Variants in SETD2 observed in about 807,000 individuals in gnomAD.
SETD2 encodes the protein histone-lysine N-methyltransferase SETD2.
SETD2 carries 31 observed loss-of-function variants against 242.1 expected under a neutral mutation model. The ratio of observed to expected loss-of-function variants is 0.13; its 90% CI spans 0.10 to 0.17. The LOEUF is 0.17. Among genes scored for constraint, SETD2 ranks in the 10% least tolerant of loss-of-function variants. The probability of loss-of-function intolerance (pLI) is 1.00; values close to 1 mark genes in which losing one functional copy is unlikely to be tolerated. For missense variants in SETD2, 2,481 were observed against 3,046.3 expected, an observed-to-expected ratio of 0.81 and a Z score of 4.37; for synonymous variants, 1,006 against 1,066.5, an observed-to-expected ratio of 0.94 and a Z score of 1.11.
At chr3:47,029,483 CA>C (rs56191823) in intron 18 of SETD2, among the ~76,000 whole-genome samples, 183 of 121,944 alleles carry the variant, frequency 1.5e-3, no homozygotes, top group African/African-American at 4.1e-3. Flanking sequence ...AAATAAAAAG[CA>C]AAAAAAAAAA....
intron 18 of SETD2, among the ~76,000 whole-genome samples, chr3:47,027,269 G>A (rs768107307): frequency 8.2e-4 from 122 of 149,238 alleles, no homozygotes; most frequent in Non-Finnish European, 1.3e-3. Flanking sequence ...CCCGAGAGGC[G>A]GAGCTTGCAG....
chr3:47,117,080 G>A (rs1458068978), intron 3 of SETD2, among the ~76,000 whole-genome samples: 1 of 151,844 alleles, frequency 6.6e-6, no homozygotes, highest in Non-Finnish European at 1.5e-5. Flanking sequence ...ACTCAAGCTG[G>A]TCTTGAACTC....
chr3:47,102,479 ATAGC>A lies in SETD2; in HGVS notation c.4917+863_4917+866del, dbSNP rs1452250595. ...TGATATACATTTGCAGAGCGGGTTC[ATAGC>A]TTTAACCTTAAAAAGTTACAATCCC... On this transcript the variant is annotated intron_variant, in intron 7 of 20. Coordinates refer to ENST00000409792, the MANE Select transcript of SETD2 (RefSeq NM_014159.7). Among the ~76,000 whole-genome samples the A allele has an allele frequency of 3.3e-5, 5 of 152,214 alleles. No homozygotes were observed. In the South Asian group the frequency reaches 1.0e-3, roughly 31 times the overall value.
At position 47,057,329 on chromosome 3, in the gene SETD2, T is replaced by G. The variant is rs139628048; in HGVS notation, c.6455A>C (p.Tyr2152Ser). The change falls in exon 15 of 21, where the codon TAT (tyrosine) becomes TCT (serine). Residue 2152 changes from tyrosine (Y) to serine (S), a missense_variant. Around this residue, in one of 17 missense-constraint regions of SETD2, gnomAD observed 45 missense variants for 62.8 expected, o/e 0.72. Coordinates refer to ENST00000409792, the MANE Select transcript of SETD2 (RefSeq NM_014159.7). ...CGGGGCATTATAACCAAGAGAGTCA[T>G]AGGGCAGTGGTGATGTCATTCCCAG... Reference protein sequence around the residue: ...QNLGMTSPLPYDSLGYNAPHH... With the variant: ...QNLGMTSPLPSDSLGYNAPHH... 2 of 1,614,166 alleles carry G rather than the reference T, an allele frequency of 1.2e-6. No individual in the cohort carries two copies.
At chr3:47,091,175 T>C (rs1294080349) in intron 9 of SETD2, among the ~76,000 whole-genome samples, 1 of 152,198 alleles carries the variant, frequency 6.6e-6, no homozygotes. Context: ...AAGATATCTT[T>C]TCCTTGCATA....
At chr3:47,088,291 CAAA>C in intron 9 of SETD2, 44 bp from the exon 10 acceptor site, 1 of 1,160,926 alleles carries the variant, frequency 8.6e-7, no homozygotes, top group Non-Finnish European at 1.2e-6. Flanking sequence ...ACAACAACAA[CAAA>C]AAAAAAAACC....
chr3:47,110,138 CAT>C (rs2042593894), intron 5 of SETD2, among the ~76,000 whole-genome samples: 1 of 152,004 alleles, frequency 6.6e-6, no homozygotes, highest in Admixed American at 6.6e-5. Flanking sequence ...ACCTCAAAAA[CAT>C]AATGCTAAGT....
At chr3:47,075,392 T>C (rs1025776671) in intron 12 of SETD2, among the ~76,000 whole-genome samples, 17 of 150,962 alleles carry the variant, frequency 1.1e-4, no homozygotes, top group South Asian at 1.0e-3. Flanking sequence ...AATCCCCATC[T>C]CTACTAAAAA....
chr3:47,153,261 T>G (rs2044040439), intron 1 of SETD2, among the ~76,000 whole-genome samples: 1 of 152,114 alleles, frequency 6.6e-6, no homozygotes, highest in African/African-American at 2.4e-5. Flanking sequence ...TACAACATTT[T>G]ATTACACAAT....
Position 47,123,820 on chromosome 3 carries a change from A to G in SETD2, c.816T>C (p.Asn272=), listed in dbSNP as rs2106713065. The change falls in exon 3 of 21, where the codon AAT becomes AAC. Residue 272 remains asparagine, a synonymous_variant. Coordinates refer to ENST00000409792, the MANE Select transcript of SETD2 (RefSeq NM_014159.7). The part of the protein sequence containing the change: ...SLEEHVTQIL[N]EQADISSKKE... ...TTTTTGAGGAAATATCTGCTTGCTC[A>G]TTCAATATTTGAGTTACGTGTTCTT... 6.5e-7 allele frequency: 1 copy of G among 1,548,432 alleles called. No homozygotes were observed. The highest frequency in any genetic ancestry group is 2.0e-5 in the Admixed American group (1 of 50,430).
At chr3:47,106,745 G>T (rs540272094) in intron 5 of SETD2, among the ~76,000 whole-genome samples, 131 of 148,304 alleles carry the variant, frequency 8.8e-4, no homozygotes, top group Non-Finnish European at 1.3e-3. Context: ...CTGGGAGGCA[G>T]AAGTTGCAGT....
chr3:47,041,335 A>G (rs1429459257), intron 17 of SETD2: 1 of 437,318 alleles, frequency 2.3e-6, no homozygotes, highest in Non-Finnish European at 4.5e-6. Flanking sequence ...CCTGCAGCAA[A>G]GTATAAACAA....
chr3:47,148,226 G>T (rs953720883), intron 1 of SETD2, among the ~76,000 whole-genome samples: 1 of 151,978 alleles, frequency 6.6e-6, no homozygotes, highest in Non-Finnish European at 1.5e-5. Flanking sequence ...TGCCTCCTGG[G>T]TTCAAACAAT....
intron 1 of SETD2, among the ~76,000 whole-genome samples, chr3:47,143,603 A>G (rs1005844930): frequency 3.3e-5 from 5 of 152,378 alleles, no homozygotes; most frequent in African/African-American, 1.2e-4. Flanking sequence ...TACTAACAGT[A>G]TATAACTGCA....
chr3:47,110,027 A>G (rs985440235), intron 5 of SETD2, among the ~76,000 whole-genome samples: 5 of 151,966 alleles, frequency 3.3e-5, no homozygotes, highest in Non-Finnish European at 7.4e-5. Context: ...ATGTCCATCA[A>G]CTAACAAAAG....
intron 1 of SETD2, among the ~76,000 whole-genome samples, chr3:47,139,958 T>C (rs530960166): frequency 6.6e-6 from 1 of 152,148 alleles, no homozygotes; most frequent in African/African-American, 2.4e-5. Flanking sequence ...AAGAATCCTA[T>C]TGATCAATAT....
chr3:47,164,588 G>A (rs891593295), upstream of SETD2: 1 of 152,316 alleles, frequency 6.6e-6, no homozygotes, highest in Non-Finnish European at 1.5e-5. This position sits in a 1 kb window ranked among gnomAD's most constrained non-coding sequence, Gnocchi z 5.4. Flanking sequence ...CCAGGCCTCT[G>A]GGCTCTGAGG....
intron 18 of SETD2, among the ~76,000 whole-genome samples, chr3:47,032,569 T>C (rs1198830870): frequency 6.6e-6 from 1 of 151,618 alleles, no homozygotes; most frequent in Non-Finnish European, 1.5e-5. Flanking sequence ...ATACTTGAAA[T>C]AAATTCTAAA....
At chr3:47,070,497 CA>C (rs1405834254) in intron 12 of SETD2, among the ~76,000 whole-genome samples, 1 of 152,086 alleles carries the variant, frequency 6.6e-6, no homozygotes, top group African/African-American at 2.4e-5. Flanking sequence ...TGAAGTTTTC[CA>C]AAGTCCCACA....
Sources: gnomAD v4.1 joint callset for allele counts (sites outside exome capture counted in the v4.1 genomes callset) on GRCh38, gnomAD v4.1.1 for gene constraint, gnomAD v4.1.1 regional missense constraint, Gnocchi (gnomAD v3.1) non-coding constraint, MANE v1.5 for transcripts, NCBI Gene and HGNC (gene_info 2026-07-23, HGNC 2026-07-21) for gene names.